The following LDLRAD3 variants were observed in gnomAD, a reference collection of about 807,000 sequenced individuals.
The protein encoded by LDLRAD3 is low-density lipoprotein receptor class A domain-containing protein 3.
Under a neutral mutation model 29.4 loss-of-function variants are expected in LDLRAD3, and 20 were observed. The observed-to-expected ratio is 0.68, with a 90% CI of 0.48 to 0.99. The LOEUF (loss-of-function observed/expected upper bound fraction) is 0.99. Ranked by LOEUF, LDLRAD3 falls within the 50% of genes least tolerant of loss-of-function variation. LDLRAD3 has a pLI of 0.00. For missense variants in LDLRAD3, 420 were observed against 454.3 expected (o/e 0.92, Z 0.69); for synonymous variants, 157 against 192.7 (o/e 0.81, Z 1.53).
intron 2 of LDLRAD3, among the ~76,000 whole-genome samples, chr11:36,069,489 G>A (rs1034571431): frequency 1.3e-5 from 2 of 152,164 alleles, no homozygotes; most frequent in African/African-American, 4.8e-5. Flanking sequence ...TCACTTTGGG[G>A]AGCTGTGCAT....
chr11:36,046,176 G>T (rs943917507), intron 2 of LDLRAD3, among the ~76,000 whole-genome samples: 1 of 152,080 alleles, frequency 6.6e-6, no homozygotes, highest in African/African-American at 2.4e-5. Flanking sequence ...GTATTCCATG[G>T]TATATATGTG....
chr11:36,169,605 T>C lies in LDLRAD3; in HGVS notation c.455-57480T>C, dbSNP rs11823956. Among the ~76,000 whole-genome samples the C allele has an allele frequency of 7.9e-3, 1,200 of 152,326 alleles. 19 individuals carry two copies. Among genetic ancestry groups the C allele is most frequent in the African/African-American group, 0.028 (1,145 of 41,572 alleles). ...CCTAATGTCTTCCAGTTCTAGTTCCTGTCATTTGTTACTGCAAATGACAGA... is the reference window on the plus strand; with the variant it reads ...CCTAATGTCTTCCAGTTCTAGTTCCCGTCATTTGTTACTGCAAATGACAGA... On this transcript the variant is annotated intron_variant, in intron 4 of 5. Transcript: ENST00000315571.
At chr11:36,144,457 C>T (rs1462376070) in intron 4 of LDLRAD3, among the ~76,000 whole-genome samples, 4 of 149,320 alleles carry the variant, frequency 2.7e-5, no homozygotes, top group Admixed American at 6.7e-5. Context: ...TGTCTCTGCC[C>T]GGCCGCCATC....
At position 35,995,989 on chromosome 11, in the gene LDLRAD3, T is replaced by TG. The variant is rs538785008; in HGVS notation, c.47-40114_47-40113insG. Among the ~76,000 whole-genome samples, 55 of 152,352 alleles carry TG rather than the reference T, an allele frequency of 3.6e-4. No homozygotes were observed. The East Asian group carries it at 6.9e-3, about 19-fold the overall frequency. On this transcript the variant is annotated intron_variant, in intron 1 of 5. Coordinates refer to ENST00000315571, the MANE Select transcript of LDLRAD3 (RefSeq NM_174902.4). The stretch of plus-strand genomic sequence containing the variant: ...CCAGACCGCTAAAACTTCCTCCATA[T>TG]CAGCAATAAGGCTGTTTTGCTTTCT...
intron 4 of LDLRAD3, among the ~76,000 whole-genome samples, chr11:36,153,344 A>G (rs960766453): frequency 6.6e-6 from 1 of 152,134 alleles, no homozygotes; most frequent in African/African-American, 2.4e-5. Context: ...CCCAGGAGGG[A>G]CCGGAGATTA....
At chr11:36,160,843 G>A (rs1014724606) in intron 4 of LDLRAD3, among the ~76,000 whole-genome samples, 25 of 151,482 alleles carry the variant, frequency 1.7e-4, no homozygotes, top group African/African-American at 5.3e-4. Flanking sequence ...TGCCCAGGCT[G>A]GAGTGCAATG....
chr11:35,996,762 A>G (rs529331942), intron 1 of LDLRAD3, among the ~76,000 whole-genome samples: 21 of 152,322 alleles, frequency 1.4e-4, no homozygotes, highest in African/African-American at 5.1e-4. Flanking sequence ...AGCCACAAAT[A>G]TAAATCATAA....
At chr11:36,011,565 A>G (rs1851955485) in intron 1 of LDLRAD3, among the ~76,000 whole-genome samples, 1 of 24,572 alleles carries the variant, frequency 4.1e-5, no homozygotes, top group Non-Finnish European at 2.3e-4. Flanking sequence ...AAGTTCTGCT[A>G]CCTCAATAAT....
intron 2 of LDLRAD3, among the ~76,000 whole-genome samples, chr11:36,048,666 T>G (rs556825425): frequency 6.6e-6 from 1 of 152,204 alleles, no homozygotes; most frequent in Non-Finnish European, 1.5e-5. Flanking sequence ...CTGTCACATA[T>G]CTCTGCTGGT....
chr11:36,060,124 G>C (rs546951652), intron 2 of LDLRAD3, among the ~76,000 whole-genome samples: 1 of 152,164 alleles, frequency 6.6e-6, no homozygotes, highest in African/African-American at 2.4e-5. Context: ...GGAGGCCAAG[G>C]CAGGTGGATC....
In LDLRAD3 at chr11:35,984,713, C is replaced by T. The variant is rs972680522; in HGVS notation, c.46+40569C>T. ...ATGATGTGATCTTGGCTCACCGCAG[C>T]CTCCGCCTTCCGGGGTCAAGCGATT... On this transcript the variant is annotated intron_variant, in intron 1 of 5. Transcript: ENST00000315571. Among the ~76,000 whole-genome samples the T allele has an allele frequency of 2.0e-5, 3 of 152,094 alleles. No homozygotes were observed. The South Asian group carries it at 6.2e-4, about 32-fold the overall frequency.
At chr11:36,155,791 T>G (rs1854341275) in intron 4 of LDLRAD3, among the ~76,000 whole-genome samples, 1 of 152,160 alleles carries the variant, frequency 6.6e-6, no homozygotes, top group African/African-American at 2.4e-5. Flanking sequence ...GTAGCAAGAT[T>G]TTTTTCAATG....
intron 4 of LDLRAD3, among the ~76,000 whole-genome samples, chr11:36,157,399 AAG>A (rs1280090890): frequency 2.0e-5 from 3 of 152,206 alleles, no homozygotes; most frequent in Non-Finnish European, 4.4e-5. Flanking sequence ...GAGTTAATTG[AAG>A]AGTTTCCCAC....
intron 4 of LDLRAD3, among the ~76,000 whole-genome samples, chr11:36,152,735 GGACGCTT>G (rs1854294401): frequency 6.6e-6 from 1 of 152,178 alleles, no homozygotes; most frequent in Non-Finnish European, 1.5e-5. Context: ...TAAATAGTTG[GGACGCTT>G]GACAGCTTGC....
In LDLRAD3 at chr11:36,097,091, ACTT is replaced by A. The variant is rs74977355; in HGVS notation, c.320-1229_320-1227del. Among the ~76,000 whole-genome samples the A allele has an allele frequency of 5.9e-3, 905 of 152,274 alleles. 46 individuals are homozygous for A. The East Asian group carries it at 0.13, about 22-fold the overall frequency. ...TGACCTTGTACTGGCCAGTTGTCAC[ACTT>A]CTTCTTAAGGGGACGGCCCAGATCT... is the stretch of plus-strand genomic sequence containing the variant. On this transcript the variant is annotated intron_variant, in intron 3 of 5. Coordinates refer to ENST00000315571, the MANE Select transcript of LDLRAD3 (RefSeq NM_174902.4).
chr11:36,100,200 T>G (rs1267283923), intron 4 of LDLRAD3, among the ~76,000 whole-genome samples: 4 of 152,156 alleles, frequency 2.6e-5, no homozygotes, highest in African/African-American at 4.8e-5. Flanking sequence ...AAGGCTGAGC[T>G]CCACCATTCT....
At position 35,944,446 on chromosome 11, in the gene LDLRAD3, G is replaced by A. The variant is rs1433750194; in HGVS notation, c.46+302G>A. Reference sequence around the variant, plus strand: ...CGGCTGCCCCGATTGGGCGTAGCTCGAGTGTGGCTGTGTGTGTGTTGTGTG... The same window carrying A: ...CGGCTGCCCCGATTGGGCGTAGCTCAAGTGTGGCTGTGTGTGTGTTGTGTG... On this transcript the variant is annotated intron_variant, in intron 1 of 5. Coordinates refer to ENST00000315571, the MANE Select transcript of LDLRAD3 (RefSeq NM_174902.4). This position sits in a 1 kb window ranked among gnomAD's most constrained non-coding sequence, Gnocchi z 4.9. Among the ~76,000 whole-genome samples, 2 of 152,092 alleles carry A rather than the reference G, an allele frequency of 1.3e-5. No homozygotes were observed. Among genetic ancestry groups the A allele is most frequent in the Non-Finnish European group, 2.9e-5 (2 of 67,992 alleles).
intron 4 of LDLRAD3, among the ~76,000 whole-genome samples, chr11:36,155,770 A>T (rs966268194): frequency 6.6e-6 from 1 of 152,144 alleles, no homozygotes; most frequent in Non-Finnish European, 1.5e-5. Flanking sequence ...CGCCTGGCTC[A>T]TAGTAGGTGC....
At position 36,213,670 on chromosome 11, in the gene LDLRAD3, T is replaced by C. The variant is rs530676188; in HGVS notation, c.455-13415T>C. On this transcript the variant is annotated intron_variant, in intron 4 of 5. Coordinates refer to ENST00000315571, the MANE Select transcript of LDLRAD3 (RefSeq NM_174902.4). This position sits in a 1 kb window ranked among gnomAD's most constrained non-coding sequence, Gnocchi z 4.1. ...GGCCGCTCCCACCCTGGGAGTGCCA[T>C]TGGGGTCAGGCCTGCTCCCCGCACC... Among the ~76,000 whole-genome samples the C allele has an allele frequency of 2.1e-4, 32 of 152,282 alleles. No individual in the cohort carries two copies. The highest frequency in any genetic ancestry group is 1.4e-3 in the Admixed American group (21 of 15,306).
Sources: allele counts gnomAD v4.1 joint callset (sites outside exome capture counted in the v4.1 genomes callset), GRCh38; gene constraint gnomAD v4.1.1; non-coding constraint Gnocchi (gnomAD v3.1); transcripts MANE v1.5; gene names NCBI Gene and HGNC (gene_info 2026-07-23, HGNC 2026-07-21).